The following PAK2 variants were observed in gnomAD, a reference collection of about 807,000 sequenced individuals.
PAK2 encodes the protein p21 (RAC1) activated kinase 2.
In PAK2, 21 loss-of-function variants were observed where a neutral mutation model predicts 65.9. That is an observed-to-expected ratio of 0.32 (90% confidence interval 0.23 to 0.46). PAK2 has a LOEUF of 0.46. PAK2 is among the 20% of genes least tolerant of loss of function. The pLI, the probability that PAK2 is intolerant of heterozygous loss-of-function variation, is 1.00. For synonymous variants in PAK2, 204 were observed against 219.7 expected (o/e 0.93, Z 0.63); for missense variants, 324 against 642.6 (o/e 0.50, Z 5.36).
intron 7 of PAK2, among the ~76,000 whole-genome samples, chr3:196,809,719 C>T (rs1488839825): frequency 6.6e-6 from 1 of 151,034 alleles, no homozygotes; most frequent in Non-Finnish European, 1.5e-5. Context: ...TTAGCTGTCA[C>T]ATCCCCAGTC....
At chr3:196,782,946 G>C in intron 2 of PAK2, 113 bp downstream of exon 2, 2 of 595,442 alleles carry the variant, frequency 3.4e-6, no homozygotes, top group Non-Finnish European at 5.9e-6. Flanking sequence ...AACAATCGGT[G>C]CTAATATACA....
At chr3:196,808,020 A>G in intron 7 of PAK2, 106 bp downstream of exon 7, 2 of 1,095,272 alleles carry the variant, frequency 1.8e-6, no homozygotes, top group Non-Finnish European at 2.6e-6. Context: ...TAAAGTATAA[A>G]GAATAAATTG....
chr3:196,785,872 A>G (rs983629958), intron 2 of PAK2, among the ~76,000 whole-genome samples: 2 of 152,182 alleles, frequency 1.3e-5, no homozygotes, highest in African/African-American at 4.8e-5. Context: ...AGACCTGCCC[A>G]TGATTCAGTT....
At position 196,816,766 on chromosome 3, in the gene PAK2, AAC is replaced by A. The variant is rs748551815; in HGVS notation, c.1054-1287_1054-1286del. On this transcript the variant is annotated intron_variant, in intron 11 of 14. Transcript: ENST00000327134. ...AGCTAACTTACACCCGTAGTTCAAA[AAC>A]ACAAGAGTGAGCAGATTTTTAAAAC... Among the ~76,000 whole-genome samples the A allele has an allele frequency of 2.9e-4, 44 of 152,318 alleles. No homozygotes were observed. In the East Asian group the frequency reaches 8.1e-3, roughly 28 times the overall value.
intron 11 of PAK2, among the ~76,000 whole-genome samples, chr3:196,815,713 A>G (rs1042913343): frequency 5.3e-5 from 8 of 151,836 alleles, no homozygotes; most frequent in East Asian, 1.9e-4. Flanking sequence ...CTTGAACCCA[A>G]GAGGCGGAGG....
chr3:196,761,868 C>T (rs1166224597), intron 1 of PAK2, among the ~76,000 whole-genome samples: 1 of 149,480 alleles, frequency 6.7e-6, no homozygotes, highest in East Asian at 2.0e-4. Flanking sequence ...GACGGGGTGG[C>T]TGCCGGACGG....
At chr3:196,797,983 A>G (rs1041628841) in intron 2 of PAK2, among the ~76,000 whole-genome samples, 2 of 152,242 alleles carry the variant, frequency 1.3e-5, no homozygotes, top group African/African-American at 4.8e-5. Context: ...AACTTATAGT[A>G]TTAAACACCA....
At chr3:196,814,892 C>T (rs1715943400) in intron 11 of PAK2, among the ~76,000 whole-genome samples, 1 of 152,192 alleles carries the variant, frequency 6.6e-6, no homozygotes, top group Non-Finnish European at 1.5e-5. Context: ...AGAAATACAC[C>T]ACTCAGGCTG....
chr3:196,812,113 C>G (rs1018486456), intron 8 of PAK2, 106 bp from the exon 9 acceptor site: 12 of 727,202 alleles, frequency 1.7e-5, no homozygotes, highest in Non-Finnish European at 3.0e-5. Context: ...TTAGGTCATC[C>G]TGTTCTTTAA....
chr3:196,812,073 A>C, intron 8 of PAK2, 146 bp from the exon 9 acceptor site: 3 of 507,822 alleles, frequency 5.9e-6, no homozygotes, highest in South Asian at 2.7e-5. Context: ...CCCTTTCCTC[A>C]GGTTTTTGCT....
chr3:196,804,832 T>TATACAC (rs1553807534), intron 4 of PAK2, among the ~76,000 whole-genome samples: 10 of 80,356 alleles, frequency 1.2e-4, no homozygotes, highest in African/African-American at 4.6e-4. Flanking sequence ...TATACACATA[T>TATACAC]ATATATATAT....
rs562357020 is a variant in PAK2 at position 196,812,656 on chromosome 3, C to T, written c.823-83C>T. On this transcript the variant is annotated intron_variant, in intron 9 of 14. Coordinates refer to ENST00000327134, the MANE Select transcript of PAK2 (RefSeq NM_002577.4). ...GCATGGTGTAATACAGTACACGTACCGTGAGTTATCAACTGCTTGGGGTTT... is the reference window on the plus strand; with the variant it reads ...GCATGGTGTAATACAGTACACGTACTGTGAGTTATCAACTGCTTGGGGTTT... 2.0e-4 allele frequency: 135 copies of T among 676,508 alleles called. 1 individual carries two copies. Among genetic ancestry groups the T allele is most frequent in the South Asian group, 5.7e-4 (33 of 57,414 alleles). The allele number at this position is 676,508 out of a possible 1,614,324, so 41.9% of individuals were successfully genotyped here. A position where few individuals can be genotyped will look rare whatever the true frequency, so the allele number is the denominator to read the frequency against.
Position 196,763,590 on chromosome 3 carries a change from G to A in PAK2, c.-21-19036G>A, listed in dbSNP as rs79382743. Among the ~76,000 whole-genome samples, 155 of 152,254 alleles carry A rather than the reference G, an allele frequency of 1.0e-3. 1 individual carries two copies. Among genetic ancestry groups the A allele is most frequent in the African/African-American group, 3.6e-3 (149 of 41,546 alleles). The stretch of plus-strand genomic sequence containing the variant: ...TAACTGCTGCGGGAGCTCAGAGACG[G>A]AGCAGAGGTCACATGACAGTAAAAG... On this transcript the variant is annotated intron_variant, in intron 1 of 14. Coordinates refer to ENST00000327134, the MANE Select transcript of PAK2 (RefSeq NM_002577.4).
At chr3:196,825,463 G>GA (rs1442298992) in intron 13 of PAK2, among the ~76,000 whole-genome samples, 2 of 151,184 alleles carry the variant, frequency 1.3e-5, no homozygotes, top group African/African-American at 2.5e-5. Context: ...CCAACACAGT[G>GA]AAACCCCGTC....
chr3:196,817,143 C>A (rs1018230524), intron 11 of PAK2, among the ~76,000 whole-genome samples: 1 of 149,202 alleles, frequency 6.7e-6, no homozygotes, highest in African/African-American at 2.5e-5. Context: ...GGCATTTAAA[C>A]CTGAAAGAGG....
In PAK2 at chr3:196,814,494, G is replaced by C; in HGVS notation, c.979G>C (p.Ala327Pro). 1 of 1,547,152 alleles carries C rather than the reference G, an allele frequency of 6.5e-7. No individual in the cohort carries two copies. The highest frequency in any genetic ancestry group is 1.7e-5 in the Admixed American group (1 of 57,494). The change falls in exon 11 of 15, where the codon GCT (alanine) becomes CCT (proline). Residue 327 changes from alanine (A) to proline (P), a missense_variant. Coordinates refer to ENST00000327134, the MANE Select transcript of PAK2 (RefSeq NM_002577.4). ...ATTGTTTGTGGTCATGGAATACCTT[G>C]CTGGGGGGTCACTCACTGATGTGGT... The part of the protein sequence containing the change: ...DELFVVMEYL[A>P]GGSLTDVVTE...
At chr3:196,800,625 A>T (rs1374854253) in intron 2 of PAK2, among the ~76,000 whole-genome samples, 2 of 152,222 alleles carry the variant, frequency 1.3e-5, no homozygotes, top group African/African-American at 2.4e-5. Context: ...AGGCAGTCTG[A>T]TAGTGGCATA....
chr3:196,764,634 A>T (rs1714096052), intron 1 of PAK2, among the ~76,000 whole-genome samples: 1 of 150,312 alleles, frequency 6.7e-6, no homozygotes, highest in African/African-American at 2.5e-5. Context: ...AAAATAAATA[A>T]ATAAATACAG....
chr3:196,813,407 G>A (rs372525028), intron 10 of PAK2, among the ~76,000 whole-genome samples: 17 of 148,350 alleles, frequency 1.1e-4, no homozygotes, highest in Middle Eastern at 3.4e-3. Context: ...GCAGTGAGCC[G>A]AGATCGCACC....
Sources: allele counts gnomAD v4.1 joint callset (sites outside exome capture counted in the v4.1 genomes callset), GRCh38; gene constraint gnomAD v4.1.1; transcripts MANE v1.5; gene names NCBI Gene and HGNC (gene_info 2026-07-23, HGNC 2026-07-21).